Variants in MFN2 observed in about 807,000 individuals in gnomAD.
The protein encoded by MFN2 is mitofusin 2, also known as mitofusin-2.
In MFN2, 43 loss-of-function variants were observed where a neutral mutation model predicts 87.5. That is an observed-to-expected ratio of 0.49 (90% CI 0.38 to 0.63). MFN2 has a LOEUF of 0.63. Among genes scored for constraint, MFN2 ranks in the 30% least tolerant of loss-of-function variants. MFN2 has a pLI of 0.00. For synonymous variants in MFN2, 337 were observed against 359.9 expected (o/e 0.94, Z 0.72); for missense variants, 743 against 972.8 (o/e 0.76, Z 3.14).
rs755790687 is a variant in MFN2 at position 11,997,377 on chromosome 1, C to T, written c.555C>T (p.Asn185=). ...AGSLVSVMWP[N]SKCPLLKDDL... ...GCCTAGTGAGTGTGATGTGGCCCAA[C>T]TCTAAGTGCCCACTTCTGAAGGATG... The change falls in exon 6 of 19, where the codon AAC becomes AAT. Residue 185 remains asparagine (N), a synonymous_variant. Transcript: ENST00000235329. 1.2e-6 allele frequency: 2 copies of T among 1,614,196 alleles called. No homozygotes were observed. The highest frequency in any genetic ancestry group is 1.1e-5 in the South Asian group (1 of 91,088).
rs146092040 is a variant in MFN2, at chr1:12,005,743, C to G, written c.1528C>G (p.Arg510Gly). Reference sequence around the variant, plus strand: ...GAAACCCCTCCTTCCTGTGTCTGTGCGGAGTCAGATAGACATGCTGGTCCC... The same window carrying G: ...GAAACCCCTCCTTCCTGTGTCTGTGGGGAGTCAGATAGACATGCTGGTCCC... ...GLKPLLPVSV[R>G]SQIDMLVPRQ... Residue 510 changes from arginine (R) to glycine (G), a missense_variant, in exon 15 of 19, where the codon CGG becomes GGG. Transcript: ENST00000235329. 6.2e-7 allele frequency: 1 copy of G among 1,614,194 alleles called. No individual in the cohort carries two copies. The highest frequency in any genetic ancestry group is 8.5e-7 in the Non-Finnish European group (1 of 1,180,038).
Position 11,997,536 on chromosome 1 carries a change from A to C in MFN2, c.599+115A>C, listed in dbSNP as rs78727601. 4.6e-3 allele frequency: 6,624 copies of C among 1,427,952 alleles called. 234 individuals carry two copies. The African/African-American group carries it at 0.082, about 18-fold the overall frequency. The allele number at this position is 1,427,952 out of a possible 1,614,324, so 88.5% of individuals were successfully genotyped here. ...ATCCTTGCTCTGCTTAAGTATTACT[A>C]CCTTTCAGATGGGCTCAACCAAATC... On this transcript the variant is annotated intron_variant, in intron 6 of 18. Transcript: ENST00000235329.
At chr1:11,989,783 C>T (rs1246196713) in intron 3 of MFN2, among the ~76,000 whole-genome samples, 1 of 152,142 alleles carries the variant, frequency 6.6e-6, no homozygotes, top group African/African-American at 2.4e-5. Context: ...CCAGGGCGCC[C>T]TTTCTTTGAT....
chr1:11,996,404 AG>A (rs1638909769), intron 5 of MFN2, 86 bp downstream of exon 5: 2 of 1,507,550 alleles, frequency 1.3e-6, no homozygotes, highest in Non-Finnish European at 9.1e-7. Flanking sequence ...ACCTCTAGGG[AG>A]GGGGCAGCAC....
chr1:11,985,497 C>T (rs1267666791), intron 2 of MFN2, among the ~76,000 whole-genome samples: 2 of 123,836 alleles, frequency 1.6e-5, no homozygotes, highest in Middle Eastern at 4.8e-3. Flanking sequence ...AGAGAGACTT[C>T]GCTCTGTCAC....
Position 12,002,234 on chromosome 1 carries a change from C to A in MFN2, c.1160+131C>A, listed in dbSNP as rs182068244. The A allele has an allele frequency of 3.4e-5, 50 of 1,470,958 alleles. No individual in the cohort carries two copies. The Admixed American group carries it at 3.7e-4, about 11-fold the overall frequency. 91.1% of individuals were successfully genotyped at this position (1,470,958 alleles called of 1,614,324 possible). On this transcript the variant is annotated intron_variant, in intron 11 of 18. Transcript: ENST00000235329. ...TGGGCTCCCATCCAGAGCCCTTTCC[C>A]TGGCCACCAGACCATGTTAGAACCA...
chr1:11,987,049 C>G (rs1376086704), intron 2 of MFN2, among the ~76,000 whole-genome samples: 1 of 152,188 alleles, frequency 6.6e-6, no homozygotes, highest in African/African-American at 2.4e-5. Context: ...GTGGCTCACG[C>G]CTGTATTCCC....
At chr1:12,000,465 C>A (rs373670256) in intron 8 of MFN2, among the ~76,000 whole-genome samples, 1 of 152,178 alleles carries the variant, frequency 6.6e-6, no homozygotes, top group Non-Finnish European at 1.5e-5. Flanking sequence ...GCTGGGATTA[C>A]GGGCGTGAGC....
chr1:11,998,097 T>G (rs927015618), intron 6 of MFN2, among the ~76,000 whole-genome samples: 1 of 150,614 alleles, frequency 6.6e-6, no homozygotes, highest in African/African-American at 2.4e-5. Context: ...TTGGCCAGGC[T>G]GGTCTTGAAC....
chr1:12,008,370 C>T (rs1176205748), intron 17 of MFN2, among the ~76,000 whole-genome samples: 3 of 146,224 alleles, frequency 2.1e-5, no homozygotes, highest in Admixed American at 6.8e-5. Flanking sequence ...GGCGGCCGGG[C>T]GGAGGCGCCC....
chr1:11,992,559 G>A lies in MFN2; in HGVS notation c.180G>A (p.Thr60=), dbSNP rs776601428. The A allele has an allele frequency of 9.9e-6, 16 of 1,614,016 alleles. No homozygotes were observed. In the East Asian group the frequency reaches 1.1e-4, roughly 11 times the overall value. ...IQESATFLED[T]YRNAELDPVT... is the part of the protein sequence containing the mutation. ...ATTTTCAATCCCCACCTCCAGACAC[G>A]TACAGGAATGCAGAACTGGACCCCG... Residue 60 remains threonine (T), a synonymous_variant, in exon 4 of 19, where the codon ACG becomes ACA. Transcript: ENST00000235329.
chr1:12,006,995 C>G (rs1339513226), intron 16 of MFN2, 58 bp from the exon 17 acceptor site: 4 of 1,603,702 alleles, frequency 2.5e-6, no homozygotes, highest in Non-Finnish European at 3.4e-6. Flanking sequence ...AGTGATGGGC[C>G]CCAGAGGAGG....
chr1:12,009,711 A>G lies in MFN2; in HGVS notation c.2189A>G (p.Lys730Arg), dbSNP rs1373071856. 2 of 1,614,246 alleles carry G rather than the reference A, an allele frequency of 1.2e-6. No individual in the cohort carries two copies. Among genetic ancestry groups the G allele is most frequent in the Admixed American group, 3.3e-5 (2 of 60,028 alleles). ...KIEVLDSLQSKAKLLRNKAGW... is the reference protein window; with the variant it reads ...KIEVLDSLQSRAKLLRNKAGW... ...GAGGTTCTTGACTCACTTCAGAGCA[A>G]AGCAAAGCTGCTCAGGTGAGGCTGG... Residue 730 changes from lysine to arginine, a missense_variant, in exon 18 of 19, where the codon AAA (lysine) becomes AGA (arginine). Physicochemically the swap from Lys to Arg is conservative, Grantham distance 26. Transcript: ENST00000235329.
chr1:12,009,867 C>A, intron 18 of MFN2, 141 bp downstream of exon 18: 1 of 1,283,586 alleles, frequency 7.8e-7, no homozygotes, highest in Non-Finnish European at 1.1e-6. Flanking sequence ...TAGATGTGTA[C>A]CATGGGCTGG....
At chr1:12,001,188 T>C (rs1321021113) in intron 8 of MFN2, among the ~76,000 whole-genome samples, 1 of 152,194 alleles carries the variant, frequency 6.6e-6, no homozygotes, top group African/African-American at 2.4e-5. Flanking sequence ...TTTTTTTGTA[T>C]TTTTAGTAGA....
intron 18 of MFN2, among the ~76,000 whole-genome samples, chr1:12,009,935 C>T (rs1012584005): frequency 1.3e-5 from 2 of 152,200 alleles, no homozygotes; most frequent in Non-Finnish European, 1.5e-5. Flanking sequence ...AGGTAGATCA[C>T]CTGAGGTCAG....
intron 6 of MFN2, 109 bp from the exon 7 acceptor site, chr1:11,998,661 G>T: frequency 1.0e-6 from 1 of 965,066 alleles, no homozygotes; most frequent in South Asian, 1.3e-5. Flanking sequence ...CCCGTCCCTG[G>T]CTTTCTCCTC....
In MFN2 at chr1:12,002,036, G is replaced by A; in HGVS notation, c.1093G>A (p.Ala365Thr). ...KTKFEQHTVRAKQIAEAVRLI... is the reference protein window; with the variant it reads ...KTKFEQHTVRTKQIAEAVRLI... ...CAAGTTTGAGCAGCACACGGTCCGG[G>A]CCAAGCAGATTGCAGAGGCGGTTCG... is the stretch of plus-strand genomic sequence containing the variant. Residue 365 changes from alanine to threonine, a missense_variant, in exon 11 of 19, where the codon GCC becomes ACC. This residue lies in a region of MFN2 where 571 missense variants were observed against 670.7 expected (regional missense o/e 0.85). Transcript: ENST00000235329. 1 of 1,614,214 alleles carries A rather than the reference G, an allele frequency of 6.2e-7. No homozygotes were observed. The highest frequency in any genetic ancestry group is 8.5e-7 in the Non-Finnish European group (1 of 1,180,050).
intron 18 of MFN2, among the ~76,000 whole-genome samples, chr1:12,010,100 G>A (rs1024964736): frequency 1.3e-5 from 2 of 152,152 alleles, no homozygotes; most frequent in Non-Finnish European, 2.9e-5. Context: ...GTTGCAGTGA[G>A]CCGAGATTAT....
Sources: gnomAD v4.1 joint callset for allele counts (sites outside exome capture counted in the v4.1 genomes callset) on GRCh38, gnomAD v4.1.1 for gene constraint, gnomAD v4.1.1 regional missense constraint, MANE v1.5 for transcripts, NCBI Gene and HGNC (gene_info 2026-07-23, HGNC 2026-07-21) for gene names.